IMMP2L: variants seen among roughly 807,000 people sequenced by gnomAD.
IMMP2L encodes mitochondrial inner membrane protease subunit 2.
IMMP2L carries 18 observed loss-of-function variants against 19.3 expected under a neutral mutation model. That is an observed-to-expected ratio of 0.93 (90% CI 0.64 to 1.38). The LOEUF is 1.38. IMMP2L is among the 40% of genes most tolerant of loss of function. The pLI, the probability that IMMP2L is intolerant of heterozygous loss-of-function variation, is 0.00. For synonymous variants in IMMP2L, 76 were observed against 73.0 expected, an observed-to-expected ratio of 1.04 and a Z score of -0.21; for missense variants, 233 against 218.2, an observed-to-expected ratio of 1.07 and a Z score of -0.43.
At chr7:111,217,874 T>A (rs909411463) in intron 3 of IMMP2L, among the ~76,000 whole-genome samples, 5 of 152,082 alleles carry the variant, frequency 3.3e-5, no homozygotes, top group Admixed American at 3.3e-4. Flanking sequence ...TTAAGTTTAG[T>A]ATTTTTGGCA....
chr7:111,255,575 T>C (rs947691897), intron 3 of IMMP2L, among the ~76,000 whole-genome samples: 1 of 152,126 alleles, frequency 6.6e-6, no homozygotes, highest in African/African-American at 2.4e-5. Context: ...AACTTTCATA[T>C]GCATGTATCA....
At chr7:110,910,216 A>G (rs1812910023) in intron 4 of IMMP2L, among the ~76,000 whole-genome samples, 1 of 152,312 alleles carries the variant, frequency 6.6e-6, no homozygotes, top group Non-Finnish European at 1.5e-5. Flanking sequence ...GAGCATTCAC[A>G]GTTAGAGCAG....
chr7:111,370,882 T>C (rs1830204709), intron 3 of IMMP2L, among the ~76,000 whole-genome samples: 1 of 151,980 alleles, frequency 6.6e-6, no homozygotes, highest in Non-Finnish European at 1.5e-5. Context: ...AAAAACCTAT[T>C]ATCTCACTTC....
At chr7:111,052,244 C>A (rs998563338) in intron 3 of IMMP2L, among the ~76,000 whole-genome samples, 4 of 152,150 alleles carry the variant, frequency 2.6e-5, no homozygotes, top group Admixed American at 2.6e-4. Flanking sequence ...CTTTCCAGGT[C>A]TTTTCCTGAC....
chr7:110,967,719 G>A (rs532843220), intron 3 of IMMP2L, among the ~76,000 whole-genome samples: 4 of 152,136 alleles, frequency 2.6e-5, no homozygotes, highest in African/African-American at 9.6e-5. Flanking sequence ...TATTACAAGA[G>A]AATGTTTTTC....
intron 5 of IMMP2L, among the ~76,000 whole-genome samples, chr7:110,865,545 T>C (rs1807896400): frequency 6.6e-6 from 1 of 152,048 alleles, no homozygotes; most frequent in African/African-American, 2.4e-5. Flanking sequence ...GCTGGAAGAA[T>C]CTTAGTAACA....
intron 3 of IMMP2L, among the ~76,000 whole-genome samples, chr7:111,443,612 AC>A (rs1837970756): frequency 6.6e-6 from 1 of 152,080 alleles, no homozygotes; most frequent in Non-Finnish European, 1.5e-5. Context: ...ACAGAACAGA[AC>A]TCTCCTCAAA....
rs187796953 is a variant in IMMP2L, at chr7:111,212,231, C to T, written c.240-248666G>A. ...GGAATTATAAGGAAGAGTCAGGGAA[C>T]CCTAATCTGGAAGATTTATTTTATA... On this transcript the variant is annotated intron_variant, in intron 3 of 5. Transcript: ENST00000405709. Among the ~76,000 whole-genome samples the T allele has an allele frequency of 6.8e-4, 103 of 152,112 alleles. 1 individual carries two copies. Among genetic ancestry groups the T allele is most frequent in the African/African-American group, 2.4e-3 (98 of 41,464 alleles).
chr7:111,161,331 T>C (rs1805241697), intron 3 of IMMP2L, among the ~76,000 whole-genome samples: 1 of 151,832 alleles, frequency 6.6e-6, no homozygotes, highest in African/African-American at 2.4e-5. Context: ...TATGTAAATA[T>C]CCCGAACAAA....
At chr7:110,796,037 G>A (rs1041062088) in intron 5 of IMMP2L, among the ~76,000 whole-genome samples, 1 of 152,064 alleles carries the variant, frequency 6.6e-6, no homozygotes, top group Non-Finnish European at 1.5e-5. Context: ...GTGATAGTGA[G>A]TGAGTTCTCA....
chr7:110,688,738 G>T (rs920982553), intron 5 of IMMP2L, among the ~76,000 whole-genome samples: 2 of 151,944 alleles, frequency 1.3e-5, no homozygotes, highest in African/African-American at 4.8e-5. Context: ...GATATATATA[G>T]TATATTAAAT....
chr7:111,215,976 T>C (rs1734392889), intron 3 of IMMP2L, among the ~76,000 whole-genome samples: 1 of 152,188 alleles, frequency 6.6e-6, no homozygotes, highest in Admixed American at 6.5e-5. Flanking sequence ...TTTATTGTCC[T>C]CTTGAAATTC....
chr7:111,260,933 G>A (rs1433767834), intron 3 of IMMP2L, among the ~76,000 whole-genome samples: 1 of 151,032 alleles, frequency 6.6e-6, no homozygotes, highest in Non-Finnish European at 1.5e-5. Context: ...CTTGATTACA[G>A]CGTAAATACA....
chr7:110,933,362 T>G (rs1196638891), intron 4 of IMMP2L, among the ~76,000 whole-genome samples: 1 of 152,202 alleles, frequency 6.6e-6, no homozygotes, highest in Non-Finnish European at 1.5e-5. Context: ...CAGTTAAGTT[T>G]GTGAGGTTTG....
intron 3 of IMMP2L, among the ~76,000 whole-genome samples, chr7:111,200,163 T>C (rs1162720422): frequency 6.6e-6 from 1 of 152,126 alleles, no homozygotes; most frequent in Admixed American, 6.5e-5. Context: ...AAAATTTCTT[T>C]CTATTCTTAC....
intron 1 of IMMP2L, among the ~76,000 whole-genome samples, chr7:111,556,634 C>T (rs1563355295): frequency 6.6e-6 from 1 of 152,070 alleles, no homozygotes; most frequent in East Asian, 1.9e-4. Context: ...ACTTTACAAT[C>T]ATCATCATAC....
rs185895396 is a variant in IMMP2L, at chr7:111,025,276, T to A, written c.240-61711A>T. 2.3e-4 allele frequency among the ~76,000 whole-genome samples: 35 copies of A among 152,330 alleles called. No homozygotes were observed. The East Asian group carries it at 6.6e-3, about 29-fold the overall frequency. On this transcript the variant is annotated intron_variant, in intron 3 of 5. Coordinates refer to ENST00000405709, the MANE Select transcript of IMMP2L (RefSeq NM_032549.4). Reference sequence around the variant, plus strand: ...ATTCAGTTTCATTATCCATAAGATGTGGTTAGCCATGTCATCTACTTCCTA... The same window carrying A: ...ATTCAGTTTCATTATCCATAAGATGAGGTTAGCCATGTCATCTACTTCCTA...
At chr7:111,408,596 T>C (rs1428022003) in intron 3 of IMMP2L, among the ~76,000 whole-genome samples, 3 of 151,790 alleles carry the variant, frequency 2.0e-5, no homozygotes, top group Admixed American at 6.6e-5. Context: ...GATGACAGTG[T>C]GTTTTATCTT....
At chr7:110,862,962 AC>A (rs1430681440) in intron 5 of IMMP2L, among the ~76,000 whole-genome samples, 19 of 151,852 alleles carry the variant, frequency 1.3e-4, no homozygotes, top group African/African-American at 4.4e-4. Flanking sequence ...ACCTCCTATA[AC>A]GCCTGGCCCT....
Sources: gnomAD v4.1 joint callset for allele counts (sites outside exome capture counted in the v4.1 genomes callset) on GRCh38, gnomAD v4.1.1 for gene constraint, MANE v1.5 for transcripts, NCBI Gene and HGNC (gene_info 2026-07-23, HGNC 2026-07-21) for gene names.